Variants in AOX1 observed in about 807,000 individuals in gnomAD.
AOX1 encodes the protein aldehyde oxidase 1, also known as aldehyde oxidase.
In AOX1, 153 loss-of-function variants were observed where a neutral mutation model predicts 169.5. That is an observed-to-expected ratio of 0.90 (90% CI 0.79 to 1.03). The LOEUF (loss-of-function observed/expected upper bound fraction) is 1.03. Ranked by LOEUF, AOX1 falls within the 50% of genes least tolerant of loss-of-function variation. The pLI is 0.00. For synonymous variants in AOX1, 562 were observed against 581.9 expected, an observed-to-expected ratio of 0.97 and a Z score of 0.49; for missense variants, 1,656 against 1,663.9, an observed-to-expected ratio of 1.00 and a Z score of 0.08.
At chr2:200,604,555 C>A in intron 8 of AOX1, 141 bp from the exon 9 acceptor site, 1 of 883,724 alleles carries the variant, frequency 1.1e-6, no homozygotes. Context: ...CCTTGTAAAG[C>A]TCTACTTTTA....
At chr2:200,607,816 AG>A (rs1269840429) in intron 10 of AOX1, among the ~76,000 whole-genome samples, 1 of 152,198 alleles carries the variant, frequency 6.6e-6, no homozygotes, top group Non-Finnish European at 1.5e-5. Flanking sequence ...TGTCCTTTGC[AG>A]GGACATGGAT....
At chr2:200,681,161 C>CCTTT, downstream of AOX1, among the ~76,000 whole-genome samples, 1 of 152,186 alleles carries the variant, frequency 6.6e-6, no homozygotes, top group East Asian at 1.9e-4. Flanking sequence ...TTGAGGACTT[C>CCTTT]CTTTCCCAAC....
chr2:200,636,812 T>TTTG (rs1179765905), intron 21 of AOX1, 99 bp from the exon 22 acceptor site: 10 of 1,424,254 alleles, frequency 7.0e-6, no homozygotes, highest in African/African-American at 1.4e-5. Context: ...GGACAGGTTT[T>TTTG]TTGTTGTTGT....
At chr2:200,674,128 G>A (rs764062404), downstream of AOX1, among the ~76,000 whole-genome samples, 83 of 152,388 alleles carry the variant, frequency 5.4e-4, no homozygotes, top group Admixed American at 4.3e-3. Flanking sequence ...CGGTGCTTCA[G>A]CGTCTCTCCC....
intron 14 of AOX1, 109 bp downstream of exon 14, chr2:200,612,902 C>G (rs1429199088): frequency 2.4e-6 from 2 of 816,732 alleles, no homozygotes; most frequent in Admixed American, 6.0e-5. Flanking sequence ...GTGTTCCATA[C>G]CTTTCTATTT....
At chr2:200,645,215 T>C (rs775216163) in intron 25 of AOX1, among the ~76,000 whole-genome samples, 6 of 152,330 alleles carry the variant, frequency 3.9e-5, no homozygotes, top group Non-Finnish European at 7.4e-5. Context: ...GTGTTTGTCA[T>C]AGATGGCTTT....
At chr2:200,657,190 A>ATTTTTT (rs5837752) in intron 27 of AOX1, among the ~76,000 whole-genome samples, 62 of 62,848 alleles carry the variant, frequency 9.9e-4, no homozygotes, top group East Asian at 2.7e-3. Flanking sequence ...ATATATATAT[A>ATTTTTT]TTTTTTTTTT....
chr2:200,631,271 C>G (rs1032332982), intron 20 of AOX1, among the ~76,000 whole-genome samples: 3 of 152,114 alleles, frequency 2.0e-5, no homozygotes, highest in Non-Finnish European at 4.4e-5. Context: ...TAAGAGTTTT[C>G]CCAACTCCAA....
chr2:200,640,395 TA>T (rs2035330758), intron 23 of AOX1, among the ~76,000 whole-genome samples: 1 of 152,108 alleles, frequency 6.6e-6, no homozygotes, highest in Non-Finnish European at 1.5e-5. Flanking sequence ...TGGAAGCTGG[TA>T]GACAGCGGGA....
chr2:200,594,941 A>C (rs1414742218), intron 2 of AOX1, among the ~76,000 whole-genome samples: 1 of 152,216 alleles, frequency 6.6e-6, no homozygotes, highest in East Asian at 1.9e-4. Context: ...TAAGGATGAG[A>C]ATAAATGTGC....
chr2:200,620,912 A>G, intron 17 of AOX1, 93 bp downstream of exon 17: 1 of 1,433,886 alleles, frequency 7.0e-7, no homozygotes. Flanking sequence ...GAAATAGGCT[A>G]TTTGTTGGTG....
rs773394492 is a variant in AOX1 at position 200,634,806 on chromosome 2, G to T, written c.2237G>T (p.Gly746Val). The T allele has an allele frequency of 5.6e-6, 9 of 1,613,862 alleles. No individual in the cohort carries two copies. In the Admixed American group the frequency reaches 1.5e-4, roughly 27 times the overall value. Residue 746 changes from glycine to valine, a missense_variant, in exon 21 of 35, where the codon GGA becomes GTA. Transcript: ENST00000374700. ...CCTGTAACAGGTGAAATACATATGG[G>T]AGGTCAAGAACATTTTTATATGGAA... ...DQILEGEIHM[G>V]GQEHFYMETQ...
chr2:200,610,571 G>T (rs2034614096), intron 12 of AOX1, among the ~76,000 whole-genome samples: 1 of 151,848 alleles, frequency 6.6e-6, no homozygotes, highest in Non-Finnish European at 1.5e-5. Context: ...TTCAGGTGTT[G>T]GAACAAGATA....
chr2:200,655,768 T>C (rs973097456), intron 26 of AOX1, among the ~76,000 whole-genome samples: 9 of 152,188 alleles, frequency 5.9e-5, no homozygotes, highest in Non-Finnish European at 1.3e-4. Flanking sequence ...CCAAGCATGG[T>C]CCACGGTCCC....
chr2:200,638,855 C>T (rs1321922585), intron 23 of AOX1, among the ~76,000 whole-genome samples: 1 of 152,132 alleles, frequency 6.6e-6, no homozygotes, highest in African/African-American at 2.4e-5. Flanking sequence ...CTTAAAAGCT[C>T]TTAAACTTTC....
chr2:200,628,850 C>T (rs2035057241), intron 20 of AOX1, among the ~76,000 whole-genome samples: 1 of 152,108 alleles, frequency 6.6e-6, no homozygotes, highest in Non-Finnish European at 1.5e-5. Context: ...TCGCTTGAAC[C>T]CTGGAGGCAG....
intron 12 of AOX1, 64 bp from the exon 13 acceptor site, chr2:200,611,320 A>G: frequency 8.7e-7 from 1 of 1,143,288 alleles, no homozygotes; most frequent in Middle Eastern, 2.0e-4. Context: ...ATTACTTCCT[A>G]AGTTTTGGAA....
intron 20 of AOX1, among the ~76,000 whole-genome samples, chr2:200,629,344 G>A (rs1463335452): frequency 6.6e-6 from 1 of 152,206 alleles, no homozygotes; most frequent in Non-Finnish European, 1.5e-5. Flanking sequence ...AGATAATCAT[G>A]TGTTCTTGGC....
At chr2:200,604,901 C>CTGGGGTGGGGGCG in intron 9 of AOX1, 61 bp downstream of exon 9, 2 of 613,226 alleles carry the variant, frequency 3.3e-6, no homozygotes, top group East Asian at 3.9e-5. Flanking sequence ...GGGATGGGGC[C>CTGGGGTGGGGGCG]GGGGTGGGCT....
Sources: gnomAD v4.1 joint callset for allele counts (sites outside exome capture counted in the v4.1 genomes callset) on GRCh38, gnomAD v4.1.1 for gene constraint, MANE v1.5 for transcripts, NCBI Gene and HGNC (gene_info 2026-07-23, HGNC 2026-07-21) for gene names.